Variants in TPR observed in about 807,000 individuals in gnomAD.
TPR encodes the protein translocated promoter region, nuclear basket protein.
Under a neutral mutation model 316.1 loss-of-function variants are expected in TPR, and 51 were observed. The ratio of observed to expected loss-of-function variants is 0.16; its 90% CI spans 0.13 to 0.20. TPR has a LOEUF of 0.20. Ranked by LOEUF, TPR falls within the 10% of genes least tolerant of loss-of-function variation. The pLI is 1.00. For synonymous variants in TPR, 981 were observed against 914.7 expected, an observed-to-expected ratio of 1.07 and a Z score of -1.31; for missense variants, 2,272 against 2,754.8, an observed-to-expected ratio of 0.82 and a Z score of 3.92.
intron 17 of TPR, among the ~76,000 whole-genome samples, chr1:186,354,236 T>C (rs1658956070): frequency 6.6e-6 from 1 of 152,148 alleles, no homozygotes; most frequent in Non-Finnish European, 1.5e-5. Context: ...ATTCCAAATG[T>C]AGTGGTTCAA....
In TPR at chr1:186,344,581, A is replaced by G. The variant is rs768056814; in HGVS notation, c.3214-3T>C. On this transcript the variant is annotated splice_region_variant and splice_polypyrimidine_tract_variant and intron_variant, in intron 24 of 50. Coordinates refer to ENST00000367478, the MANE Select transcript of TPR (RefSeq NM_003292.3). ...TGAGCTTCCACAGCTATTTTAGCCT[A>G]TAAGAAATTATTACCCAATTGATAC... 6.6e-6 allele frequency: 10 copies of G among 1,505,756 alleles called. No individual in the cohort carries two copies. In the East Asian group the frequency reaches 1.9e-4, roughly 28 times the overall value. 93.3% of individuals were successfully genotyped at this position (1,505,756 alleles called of 1,614,324 possible).
rs1658989319 is a variant in TPR at position 186,355,262 on chromosome 1, G to A, written c.2171+148C>T. On this transcript the variant is annotated intron_variant, in intron 17 of 50. Transcript: ENST00000367478. ...TGCCTAGAGAATCATTAATCAATAT[G>A]AAAAAAATGAACTACCAGAGGTTCT... The A allele has an allele frequency of 5.9e-6, 5 of 842,144 alleles. No individual in the cohort carries two copies. The Admixed American group carries it at 1.4e-4, about 24-fold the overall frequency. The allele number at this position is 842,144 out of a possible 1,614,324, so 52.2% of individuals were successfully genotyped here. A position where few individuals can be genotyped will look rare whatever the true frequency, so the allele number is the denominator to read the frequency against.
At chr1:186,356,794 G>GCATACATAA (rs1659041724) in intron 14 of TPR, among the ~76,000 whole-genome samples, 1 of 151,996 alleles carries the variant, frequency 6.6e-6, no homozygotes, top group Non-Finnish European at 1.5e-5. Flanking sequence ...TCTTACATAG[G>GCATACATAA]TTCTCCAGGT....
rs1222266046 is a variant in TPR at position 186,345,537 on chromosome 1, C to T, written c.3213+43G>A. 2.8e-6 allele frequency: 4 copies of T among 1,427,922 alleles called. No individual in the cohort carries two copies. In the South Asian group the frequency reaches 4.6e-5, roughly 17 times the overall value. 88.5% of individuals were successfully genotyped at this position (1,427,922 alleles called of 1,614,324 possible). A position where few individuals can be genotyped will look rare whatever the true frequency, so the allele number is the denominator to read the frequency against. On this transcript the variant is annotated intron_variant, in intron 24 of 50. Coordinates refer to ENST00000367478, the MANE Select transcript of TPR (RefSeq NM_003292.3). Reference sequence around the variant, plus strand: ...GCATAAATATACTTCAAGAATCATTCTCTAGGATCGAAGCTCATTTCTCAA... The same window carrying T: ...GCATAAATATACTTCAAGAATCATTTTCTAGGATCGAAGCTCATTTCTCAA...
chr1:186,359,961 C>T lies in TPR; in HGVS notation c.1227G>A (p.Leu409=). ...TTTTGTTCTCTAGTTTCTCCAAAAG[C>T]AACTGATCCTGAGTTTCCACATAAG... is the stretch of plus-strand genomic sequence containing the variant. ...YNAYVETQDQ[L]LLEKLENKRI... Residue 409 remains leucine, a synonymous_variant, in exon 12 of 51, where the codon TTG becomes TTA. Coordinates refer to ENST00000367478, the MANE Select transcript of TPR (RefSeq NM_003292.3). 3 of 1,609,206 alleles carry T rather than the reference C, an allele frequency of 1.9e-6. No individual in the cohort carries two copies. The highest frequency in any genetic ancestry group is 2.5e-6 in the Non-Finnish European group (3 of 1,178,698).
rs1335981813 is a variant in TPR at position 186,350,292 on chromosome 1, T to C, written c.2707A>G (p.Thr903Ala). Residue 903 changes from threonine to alanine, a missense_variant, in exon 21 of 51, where the codon ACA (threonine) becomes GCA (alanine). Physicochemically the swap from Thr to Ala is moderately conservative, Grantham distance 58 (BLOSUM62 0). This residue lies in a region of TPR where 757 missense variants were observed against 859.8 expected (regional missense o/e 0.88). Coordinates refer to ENST00000367478, the MANE Select transcript of TPR (RefSeq NM_003292.3). ...ATATTACTGAGGTGCTGTTTCAATGTGGCAATTTCTTTTTGAGCATTTTTT... is the reference window on the plus strand; with the variant it reads ...ATATTACTGAGGTGCTGTTTCAATGCGGCAATTTCTTTTTGAGCATTTTTT... ...LLKNAQKEIA[T>A]LKQHLSNMEV... is the part of the protein sequence containing the mutation. 4 of 1,613,912 alleles carry C rather than the reference T, an allele frequency of 2.5e-6. No homozygotes were observed. The highest frequency in any genetic ancestry group is 3.4e-6 in the Non-Finnish European group (4 of 1,179,916).
chr1:186,372,108 T>C (rs1039975509), intron 2 of TPR, among the ~76,000 whole-genome samples: 1 of 152,210 alleles, frequency 6.6e-6, no homozygotes, highest in African/African-American at 2.4e-5. Context: ...AAATGAGGTG[T>C]ACCAAAAGTA....
At chr1:186,332,497 T>C (rs1464189235) in intron 37 of TPR, among the ~76,000 whole-genome samples, 154 bp from the exon 38 acceptor site, 7 of 152,158 alleles carry the variant, frequency 4.6e-5, no homozygotes, top group Admixed American at 2.0e-4. Flanking sequence ...CCTAGATCAA[T>C]GTCCATCAAC....
chr1:186,372,903 G>T (rs1659577057), intron 2 of TPR, among the ~76,000 whole-genome samples: 1 of 152,054 alleles, frequency 6.6e-6, no homozygotes, highest in African/African-American at 2.4e-5. Context: ...ATTAAAAAAT[G>T]GAGTTAAAAC....
At chr1:186,345,081 T>C (rs1263169791) in intron 24 of TPR, among the ~76,000 whole-genome samples, 2 of 152,174 alleles carry the variant, frequency 1.3e-5, no homozygotes, top group African/African-American at 2.4e-5. Flanking sequence ...TCATTTCCTG[T>C]TCATAAAAAA....
rs12124993 is a variant in TPR, at chr1:186,315,189, A to C, written c.6941-465T>G. 8.1e-3 allele frequency among the ~76,000 whole-genome samples: 1,211 copies of C among 150,422 alleles called. 4 individuals are homozygous for C. The highest frequency in any genetic ancestry group is 0.014 in the Non-Finnish European group (940 of 67,666). Reference sequence around the variant, plus strand: ...TTAAAAAACACCCAAAAAACCAGGCAGACCAAGGCCCTGTCTCAAAAAAAA... The same window carrying C: ...TTAAAAAACACCCAAAAAACCAGGCCGACCAAGGCCCTGTCTCAAAAAAAA... On this transcript the variant is annotated intron_variant, in intron 49 of 50. Coordinates refer to ENST00000367478, the MANE Select transcript of TPR (RefSeq NM_003292.3).
intron 33 of TPR, among the ~76,000 whole-genome samples, chr1:186,336,026 G>A (rs1658329447): frequency 6.6e-6 from 1 of 152,086 alleles, no homozygotes; most frequent in South Asian, 2.1e-4. Context: ...TGATAGGCAA[G>A]GCTGAATAAA....
intron 33 of TPR, among the ~76,000 whole-genome samples, 168 bp downstream of exon 33, chr1:186,336,328 T>C (rs1352748624): frequency 6.6e-6 from 1 of 152,164 alleles, no homozygotes; most frequent in Non-Finnish European, 1.5e-5. Flanking sequence ...ACTTGAAAAT[T>C]AGGATTGCTC....
intron 26 of TPR, 120 bp downstream of exon 26, chr1:186,343,786 A>C (rs1349314911): frequency 3.0e-6 from 3 of 1,000,566 alleles, no homozygotes; most frequent in Non-Finnish European, 2.8e-6. Context: ...GTTCTTTGAC[A>C]AATAAAAGAA....
At chr1:186,347,010 T>C (rs984496332) in intron 22 of TPR, among the ~76,000 whole-genome samples, 1 of 152,196 alleles carries the variant, frequency 6.6e-6, no homozygotes, top group African/African-American at 2.4e-5. Context: ...CCATCTCTCT[T>C]GTGAAGGCAT....
In TPR at chr1:186,334,419, A is replaced by G. The variant is rs752270478; in HGVS notation, c.5088T>C (p.Ser1696=). The G allele has an allele frequency of 1.9e-6, 3 of 1,613,734 alleles. No individual in the cohort carries two copies. In the Admixed American group the frequency reaches 5.0e-5, roughly 27 times the overall value. The stretch of plus-strand genomic sequence containing the variant: ...TTGCAGGTGTAACCATTGGGCGGAT[A>G]CTAGCCCTGGGTGTTGACTTATTTC... ...MAGNKSTPRA[S]IRPMVTPATV... Residue 1696 remains serine (S), a synonymous_variant, in exon 36 of 51, where the codon AGT becomes AGC. Coordinates refer to ENST00000367478, the MANE Select transcript of TPR (RefSeq NM_003292.3).
chr1:186,333,140 T>C lies in TPR; in HGVS notation c.5437A>G (p.Thr1813Ala), dbSNP rs1658224099. ...SSPVERPSTS[T>A]AVFGTVSATP... ...ATTTTACCTGTGCCAAATACTGCTG[T>C]GGAAGTAGAAGGCCGCTCAACTGGT... Residue 1813 changes from threonine (T) to alanine (A), a missense_variant, in exon 37 of 51, where the codon ACA (threonine) becomes GCA (alanine). Transcript: ENST00000367478. 1.9e-6 allele frequency: 3 copies of C among 1,613,406 alleles called. No homozygotes were observed. Among genetic ancestry groups the C allele is most frequent in the Non-Finnish European group, 2.5e-6 (3 of 1,179,570 alleles).
At chr1:186,333,038 A>T in intron 37 of TPR, 84 bp downstream of exon 37, 1 of 1,464,424 alleles carries the variant, frequency 6.8e-7, no homozygotes, top group Non-Finnish European at 9.2e-7. Context: ...TACAAAGAAT[A>T]CTCAAGATAT....
chr1:186,351,933 A>T (rs1481451688), intron 19 of TPR, 43 bp downstream of exon 19: 1 of 1,550,012 alleles, frequency 6.5e-7, no homozygotes, highest in Admixed American at 2.3e-5. Context: ...ATCTAAATTT[A>T]ACTTTTATAC....
Sources: allele counts gnomAD v4.1 joint callset (sites outside exome capture counted in the v4.1 genomes callset), GRCh38; gene constraint gnomAD v4.1.1; regional missense constraint gnomAD v4.1.1; transcripts MANE v1.5; gene names NCBI Gene and HGNC (gene_info 2026-07-23, HGNC 2026-07-21).